The following KLHL13 variants were observed in gnomAD, a reference collection of about 807,000 sequenced individuals.
KLHL13 encodes the protein kelch like family member 13.
Under a neutral mutation model 37.1 loss-of-function variants are expected in KLHL13, and 10 were observed. That is an observed-to-expected ratio of 0.27 (90% CI 0.17 to 0.46). The LOEUF (loss-of-function observed/expected upper bound fraction) is 0.46. Ranked by LOEUF, KLHL13 falls within the 20% of genes least tolerant of loss-of-function variation. The pLI is 1.00. For missense variants in KLHL13, 360 were observed against 509.3 expected (o/e 0.71, Z 2.82); for synonymous variants, 163 against 181.2 (o/e 0.90, Z 0.81).
chrX:118,000,218 G>A (rs747649034), intron 1 of KLHL13, among the ~76,000 whole-genome samples: 1 of 111,429 alleles, frequency 9.0e-6, no homozygotes, highest in Non-Finnish European at 1.9e-5. Flanking sequence ...AAATGCAGCC[G>A]GGAGGACTTG....
chrX:117,958,392 G>A (rs1335414769), intron 1 of KLHL13, among the ~76,000 whole-genome samples: 1 of 109,564 alleles, frequency 9.1e-6, no homozygotes, highest in Admixed American at 9.9e-5. Flanking sequence ...TTATCATACT[G>A]TACTCACCTA....
intron 1 of KLHL13, among the ~76,000 whole-genome samples, chrX:118,021,464 C>T (rs776488473): frequency 2.8e-5 from 3 of 108,517 alleles, no homozygotes; most frequent in Non-Finnish European, 5.7e-5. Flanking sequence ...TGTTCAATTC[C>T]CACCTATGAG....
intron 1 of KLHL13, among the ~76,000 whole-genome samples, chrX:118,032,147 G>T (rs995272964): frequency 1.8e-5 from 2 of 111,331 alleles, no homozygotes; most frequent in East Asian, 5.7e-4. Context: ...ACAACAAGGC[G>T]GCAGCGAGGC....
intron 5 of KLHL13, among the ~76,000 whole-genome samples, chrX:117,904,158 T>C (rs1026752001): frequency 9.0e-6 from 1 of 110,952 alleles, no homozygotes; most frequent in Non-Finnish European, 1.9e-5. Flanking sequence ...CCATCATTCT[T>C]AAGCTTTTTT....
intron 1 of KLHL13, among the ~76,000 whole-genome samples, chrX:118,102,374 T>C (rs140634961): frequency 0.029 from 3,192 of 111,736 alleles, 109 homozygotes; most frequent in African/African-American, 0.097. Context: ...GGTATCACCA[T>C]AGGATTAAGT....
chrX:117,968,087 G>A (rs964389703), intron 1 of KLHL13, among the ~76,000 whole-genome samples: 2 of 112,394 alleles, frequency 1.8e-5, no homozygotes, highest in Admixed American at 9.4e-5. Context: ...AACCATCCAC[G>A]TGAGGACAAC....
At chrX:118,025,779 A>G (rs1382094868) in intron 1 of KLHL13, among the ~76,000 whole-genome samples, 1 of 112,336 alleles carries the variant, frequency 8.9e-6, no homozygotes, top group Non-Finnish European at 1.9e-5. Flanking sequence ...GGTTGCTCAG[A>G]TCAACAGTAA....
At position 117,983,407 on chromosome X, in the gene KLHL13, G is replaced by A; in HGVS notation, c.-55-37832C>T. ...TGATAACTGTCTTCTAGTATTCTCA[G>A]GGTCTTTCATGAAAACCAATTCGCA... is the stretch of plus-strand genomic sequence containing the variant. On this transcript the variant is annotated intron_variant, in intron 1 of 6. Coordinates refer to the KLHL13 transcript ENST00000371882. 5.1e-6 allele frequency: 3 copies of A among 590,759 alleles called. No homozygotes were observed. In the East Asian group the frequency reaches 1.1e-4, roughly 21 times the overall value. 48.7% of individuals were successfully genotyped at this position (590,759 alleles called of 1,213,427 possible). A position where few individuals can be genotyped will look rare whatever the true frequency, so the allele number is the denominator to read the frequency against.
At chrX:117,920,908 C>T (rs1931662480) in intron 2 of KLHL13, among the ~76,000 whole-genome samples, 1 of 111,279 alleles carries the variant, frequency 9.0e-6, no homozygotes, top group Non-Finnish European at 1.9e-5. Flanking sequence ...CAGTACATTG[C>T]TGCTGCCTGG....
At chrX:117,934,101 C>CA (rs746223262) in intron 2 of KLHL13, among the ~76,000 whole-genome samples, 5 of 109,581 alleles carry the variant, frequency 4.6e-5, no homozygotes, top group Non-Finnish European at 9.5e-5. Context: ...CACATGGACA[C>CA]AAAAATGGAA....
chrX:118,115,754 T>C (rs1202334906), intron 1 of KLHL13, among the ~76,000 whole-genome samples: 2 of 112,536 alleles, frequency 1.8e-5, no homozygotes, highest in African/African-American at 3.2e-5. Flanking sequence ...TGTACGAAGA[T>C]TGCGTACCAA....
At chrX:118,071,656 A>C (rs2054866730) in intron 1 of KLHL13, among the ~76,000 whole-genome samples, 1 of 110,346 alleles carries the variant, frequency 9.1e-6, no homozygotes, top group Non-Finnish European at 1.9e-5. Context: ...TCAATGTACA[A>C]AAATCACAAG....
At chrX:117,909,970 A>G in exon 5 of KLHL13, 1 of 1,210,884 alleles carries the variant, frequency 8.3e-7, no homozygotes, top group Non-Finnish European at 1.1e-6. Flanking sequence ...GGGAGTTTCA[A>G]GAACTCCCCT....
chrX:118,097,478 C>T (rs1426466924), intron 1 of KLHL13, among the ~76,000 whole-genome samples: 2 of 111,430 alleles, frequency 1.8e-5, no homozygotes, highest in African/African-American at 6.6e-5. Context: ...TAGGAAGAAT[C>T]AATATTGTGA....
At chrX:118,031,634 T>C (rs2054349711) in intron 1 of KLHL13, among the ~76,000 whole-genome samples, 1 of 100,110 alleles carries the variant, frequency 1.0e-5, no homozygotes, top group Non-Finnish European at 2.0e-5. Context: ...TGTATATATA[T>C]TTAGTTATAT....
chrX:117,949,718 G>A (rs1933489807), intron 1 of KLHL13, among the ~76,000 whole-genome samples: 1 of 111,739 alleles, frequency 8.9e-6, no homozygotes, highest in Admixed American at 9.5e-5. Context: ...TCAATTTCTT[G>A]GTTTCTATCA....
rs181395124 is a variant in KLHL13, at chrX:118,061,612, T to C, written c.-56+54896A>G. Among the ~76,000 whole-genome samples the C allele has an allele frequency of 5.2e-3, 583 of 111,947 alleles. 2 individuals carry two copies. Among genetic ancestry groups the C allele is most frequent in the South Asian group, 0.013 (34 of 2,704 alleles). ...TTATATATCCACTCTATGCACTACA[T>C]ACTAGAGCATTTCTAATTATATATT... On this transcript the variant is annotated intron_variant, in intron 1 of 6. Coordinates refer to the KLHL13 transcript ENST00000371882.
chrX:118,088,099 A>C (rs2148142828), intron 1 of KLHL13, among the ~76,000 whole-genome samples: 1 of 112,302 alleles, frequency 8.9e-6, no homozygotes. Context: ...TTGAAGCCAT[A>C]TTCTCTAACT....
chrX:117,908,393 A>T (rs1315110573), intron 5 of KLHL13, among the ~76,000 whole-genome samples: 1 of 108,282 alleles, frequency 9.2e-6, no homozygotes, highest in Non-Finnish European at 1.9e-5. Context: ...TCCCTCCCCT[A>T]GCCCCCCAAC....
Sources: gnomAD v4.1 joint callset for allele counts (sites outside exome capture counted in the v4.1 genomes callset) on GRCh38, gnomAD v4.1.1 for gene constraint, MANE v1.5 for transcripts, NCBI Gene and HGNC (gene_info 2026-07-23, HGNC 2026-07-21) for gene names.